Variants in PTPN12 observed in about 807,000 individuals in gnomAD.
The protein encoded by PTPN12 is tyrosine-protein phosphatase non-receptor type 12.
Under a neutral mutation model 97.6 loss-of-function variants are expected in PTPN12, and 29 were observed. The ratio of observed to expected loss-of-function variants is 0.30; its 90% confidence interval spans 0.22 to 0.41. The LOEUF (loss-of-function observed/expected upper bound fraction) is 0.41, where lower values mean the gene tolerates loss of function less well. Ranked by LOEUF, PTPN12 falls within the 10% of genes least tolerant of loss-of-function variation. The pLI, the probability that PTPN12 is intolerant of heterozygous loss-of-function variation, is 1.00. For synonymous variants in PTPN12, 327 were observed against 300.4 expected (o/e 1.09, Z -0.91); for missense variants, 819 against 926.0 (o/e 0.88, Z 1.50).
intron 5 of PTPN12, among the ~76,000 whole-genome samples, chr7:77,589,111 T>A (rs1002072661): frequency 9.9e-5 from 15 of 152,132 alleles, no homozygotes; most frequent in African/African-American, 3.4e-4. Flanking sequence ...TGACCTCAGG[T>A]GATCCGACCG....
At chr7:77,594,352 A>G (rs141748692) in intron 6 of PTPN12, among the ~76,000 whole-genome samples, 6 of 152,280 alleles carry the variant, frequency 3.9e-5, no homozygotes, top group African/African-American at 1.4e-4. Context: ...CTTGAATAAT[A>G]CCCAATACAC....
chr7:77,583,830 G>C, intron 4 of PTPN12, 180 bp downstream of exon 4: 1 of 456,602 alleles, frequency 2.2e-6, no homozygotes, highest in East Asian at 3.8e-5. Context: ...TTACAAACTA[G>C]GCTAAATATT....
At chr7:77,627,720 A>T in intron 13 of PTPN12, 45 bp downstream of exon 13, 5 of 1,477,624 alleles carry the variant, frequency 3.4e-6, no homozygotes, top group Non-Finnish European at 4.5e-6. Context: ...CCTATGTGCT[A>T]GTCACTGTTT....
intron 12 of PTPN12, among the ~76,000 whole-genome samples, chr7:77,625,474 T>TCGCTCGCGCGCG (rs761174867): frequency 6.9e-5 from 2 of 29,166 alleles, no homozygotes; most frequent in Non-Finnish European, 1.2e-4. Flanking sequence ...GGCTGCTCGC[T>TCGCTCGCGCGCG]CTCTCTCTCT....
At chr7:77,579,796 C>T (rs531072647) in intron 2 of PTPN12, among the ~76,000 whole-genome samples, 1 of 152,194 alleles carries the variant, frequency 6.6e-6, no homozygotes, top group East Asian at 1.9e-4. Context: ...AGGATATAAA[C>T]AAGTGGTTTA....
chr7:77,597,513 C>G (rs1410188556), intron 6 of PTPN12, among the ~76,000 whole-genome samples: 1 of 152,152 alleles, frequency 6.6e-6, no homozygotes, highest in African/African-American at 2.4e-5. Context: ...TCATCCATGT[C>G]TTTTCATGGC....
Position 77,637,061 on chromosome 7 carries a change from A to G in PTPN12, c.2173+13A>G. 6.5e-7 allele frequency: 1 copy of G among 1,541,686 alleles called. No individual in the cohort carries two copies. The highest frequency in any genetic ancestry group is 1.4e-5 in the African/African-American group (1 of 72,732). On this transcript the variant is annotated intron_variant, in intron 16 of 17. Coordinates refer to ENST00000248594, the MANE Select transcript of PTPN12 (RefSeq NM_002835.4). ...AATGAGAAATGTGGTAAGTTGTTAG[A>G]TTTTTTTTTTCCTTTTTACTGTAGA...
rs1789245359 is a variant in PTPN12, at chr7:77,627,604, C to T, written c.1925C>T (p.Thr642Ile). 6.2e-7 allele frequency: 1 copy of T among 1,612,600 alleles called. No individual in the cohort carries two copies. Among genetic ancestry groups the T allele is most frequent in the African/African-American group, 1.3e-5 (1 of 74,864 alleles). ...SAATSTESISTRKVLPMSIAR... is the reference protein window; with the variant it reads ...SAATSTESISIRKVLPMSIAR... ...GCCACTAGTACTGAAAGCATTTCTA[C>T]TAGGAAAGTATTGCCAATGTCCATT... The change falls in exon 13 of 18, where the codon ACT becomes ATT. Residue 642 changes from threonine (T) to isoleucine (I), a missense_variant. Physicochemically the swap from Thr to Ile is moderately conservative, Grantham distance 89. This residue lies in a region of PTPN12 where 607 missense variants were observed against 577.3 expected (regional missense o/e 1.05). Transcript: ENST00000248594.
At position 77,537,599 on chromosome 7, in the gene PTPN12, A is replaced by T; in HGVS notation, c.53A>T (p.Lys18Met). 8 of 1,606,522 alleles carry T rather than the reference A, an allele frequency of 5.0e-6. No individual in the cohort carries two copies. Among genetic ancestry groups the T allele is most frequent in the Non-Finnish European group, 6.8e-6 (8 of 1,177,138 alleles). The change falls in exon 1 of 18, where the codon AAG becomes ATG. Residue 18 changes from lysine (K) to methionine (M), a missense_variant. Transcript: ENST00000248594. ...RKFIQRVQAM[K>M]SPDHNGEDNF... ...TTCATCCAGAGGGTCCAGGCCATGA[A>T]GAGTCCTGACCACAATGGGGAGGAC...
chr7:77,572,413 G>A (rs1787174259), intron 2 of PTPN12, among the ~76,000 whole-genome samples: 1 of 152,076 alleles, frequency 6.6e-6, no homozygotes, highest in Non-Finnish European at 1.5e-5. Context: ...CTATTTTGAT[G>A]CCATTGATCA....
At chr7:77,547,118 T>TTG (rs1807262272) in intron 1 of PTPN12, among the ~76,000 whole-genome samples, 1 of 152,222 alleles carries the variant, frequency 6.6e-6, no homozygotes, top group African/African-American at 2.4e-5. Context: ...TCTGAAGGAA[T>TTG]GCAAAGATTT....
At position 77,564,746 on chromosome 7, in the gene PTPN12, G is replaced by GTGTTTTTTTT. The variant is rs1808163614; in HGVS notation, c.100-6331_100-6330insGTTTTTTTTT. On this transcript the variant is annotated intron_variant, in intron 1 of 17. Transcript: ENST00000248594. Reference sequence around the variant, plus strand: ...TTTTGTTGTTGTTTTTTGTTGTCGTGTTTTTTTTTTTTTTTTTTTTTTTTT... The same window carrying GTGTTTTTTTT: ...TTTTGTTGTTGTTTTTTGTTGTCGTGTGTTTTTTTTTTTTTTTTTTTTTTTTTTTTTTTTT... Among the ~76,000 whole-genome samples, 14 of 45,404 alleles carry GTGTTTTTTTT rather than the reference G, an allele frequency of 3.1e-4. 1 individual carries two copies. In the East Asian group the frequency reaches 9.6e-3, roughly 31 times the overall value. The allele number at this position is 45,404 out of a possible 152,430, so 29.8% of individuals were successfully genotyped here. A position where few individuals can be genotyped will look rare whatever the true frequency, so the allele number is the denominator to read the frequency against.
At chr7:77,545,512 T>C (rs1201522284) in intron 1 of PTPN12, among the ~76,000 whole-genome samples, 1 of 152,162 alleles carries the variant, frequency 6.6e-6, no homozygotes, top group Admixed American at 6.5e-5. Context: ...ATCCAAGTGC[T>C]GCTCCTTTTT....
intron 2 of PTPN12, among the ~76,000 whole-genome samples, chr7:77,573,133 G>T: frequency 7.2e-6 from 1 of 139,250 alleles, no homozygotes; most frequent in Admixed American, 7.8e-5. Context: ...CTAGCACATA[G>T]TAACCAATCA....
At position 77,626,983 on chromosome 7, in the gene PTPN12, G is replaced by A. The variant is rs1584215426; in HGVS notation, c.1304G>A (p.Ser435Asn). Reference protein sequence around the residue: ...QIDKKLERNLSFEIKKVPLQE... With the variant: ...QIDKKLERNLNFEIKKVPLQE... ...GATAAAAAATTGGAACGAAATTTAA[G>A]TTTTGAGATTAAGAAGGTCCCTCTC... The change falls in exon 13 of 18, where the codon AGT (serine) becomes AAT (asparagine). Residue 435 changes from serine to asparagine, a missense_variant. By Grantham distance (46) the Ser-to-Asn change is conservative. This residue lies in a region of PTPN12 where 607 missense variants were observed against 577.3 expected (regional missense o/e 1.05). Coordinates refer to ENST00000248594, the MANE Select transcript of PTPN12 (RefSeq NM_002835.4). 1 of 1,609,866 alleles carries A rather than the reference G, an allele frequency of 6.2e-7. No individual in the cohort carries two copies. The highest frequency in any genetic ancestry group is 1.7e-5 in the Admixed American group (1 of 58,584).
chr7:77,633,743 C>A (rs1170834077), intron 14 of PTPN12, among the ~76,000 whole-genome samples: 2 of 152,048 alleles, frequency 1.3e-5, no homozygotes, highest in Non-Finnish European at 2.9e-5. Context: ...CTGGAGTAGA[C>A]TGAGCACATT....
At chr7:77,554,553 ATTCT>A (rs1807616630) in intron 1 of PTPN12, among the ~76,000 whole-genome samples, 1 of 152,238 alleles carries the variant, frequency 6.6e-6, no homozygotes, top group African/African-American at 2.4e-5. Context: ...ACTTTCATTT[ATTCT>A]TTCTCTCATT....
At chr7:77,610,646 G>A in intron 9 of PTPN12, 119 bp from the exon 10 acceptor site, 1 of 1,047,500 alleles carries the variant, frequency 9.5e-7, no homozygotes, top group Non-Finnish European at 1.4e-6. Flanking sequence ...ATTAAGTGGT[G>A]TTCAATAAAT....
intron 8 of PTPN12, chr7:77,604,813 A>C (rs1788307727): frequency 2.6e-6 from 1 of 381,212 alleles, no homozygotes; most frequent in Non-Finnish European, 5.3e-6. Flanking sequence ...ATATATTTTT[A>C]TCCACCTGGA....
Sources: gnomAD v4.1 joint callset for allele counts (sites outside exome capture counted in the v4.1 genomes callset) on GRCh38, gnomAD v4.1.1 for gene constraint, gnomAD v4.1.1 regional missense constraint, MANE v1.5 for transcripts, NCBI Gene and HGNC (gene_info 2026-07-23, HGNC 2026-07-21) for gene names.